Variants in RPH3AL observed in about 807,000 individuals in gnomAD.
RPH3AL encodes the protein rabphilin 3A like (without C2 domains).
A neutral mutation model predicts 43.1 loss-of-function variants in RPH3AL; 38 were observed. The ratio of observed to expected loss-of-function variants is 0.88; its 90% CI spans 0.68 to 1.15. The LOEUF is 1.15. Ranked by LOEUF, RPH3AL falls within the 50% of genes most tolerant of loss-of-function variation. RPH3AL has a pLI of 0.00. For synonymous variants in RPH3AL, 189 were observed against 176.3 expected (o/e 1.07, Z -0.57); for missense variants, 462 against 423.2 (o/e 1.09, Z -0.81).
At chr17:269,848 G>C (rs2042420418) in intron 6 of RPH3AL, among the ~76,000 whole-genome samples, 1 of 152,216 alleles carries the variant, frequency 6.6e-6, no homozygotes, top group Non-Finnish European at 1.5e-5. Context: ...AACTTCTCCA[G>C]TGCACAGACG....
intron 1 of RPH3AL, among the ~76,000 whole-genome samples, chr17:334,952 C>G (rs528265216): frequency 6.6e-6 from 1 of 152,370 alleles, no homozygotes; most frequent in South Asian, 2.1e-4. Flanking sequence ...TCGCTCCCCA[C>G]CTTACACCCT....
chr17:263,589 T>C (rs897223174), intron 6 of RPH3AL, among the ~76,000 whole-genome samples: 1 of 152,240 alleles, frequency 6.6e-6, no homozygotes, highest in African/African-American at 2.4e-5. Context: ...AACAGATTGG[T>C]AATTGGATGC....
chr17:247,147 C>A lies in RPH3AL; in HGVS notation c.577G>T (p.Glu193Ter), dbSNP rs147456712. 6.2e-7 allele frequency: 1 copy of A among 1,614,104 alleles called. No homozygotes were observed. ...EPAEREPRSS[E>*]TSRIYTWARG... ...GCCCACGTGTAGATGCGGCTGGTCT[C>A]AGAGCTTCTGGGCTCTCGCTCTGCC... Residue 193 changes from glutamate (E) to a stop codon, truncating the protein, a stop_gained, in exon 7 of 10, where the codon GAG becomes TAG. Coordinates refer to ENST00000331302, the MANE Select transcript of RPH3AL (RefSeq NM_006987.4). LOFTEE classifies it high-confidence loss of function.
intron 4 of RPH3AL, among the ~76,000 whole-genome samples, 195 bp downstream of exon 4, chr17:321,077 G>A (rs983809446): frequency 6.6e-6 from 1 of 152,204 alleles, no homozygotes; most frequent in Non-Finnish European, 1.5e-5. Flanking sequence ...GTGTCCTGAG[G>A]CCTCAGCGGG....
At chr17:231,404 C>A (rs1228719528) in intron 7 of RPH3AL, among the ~76,000 whole-genome samples, 1 of 152,196 alleles carries the variant, frequency 6.6e-6, no homozygotes, top group Non-Finnish European at 1.5e-5. Flanking sequence ...AGGCCAGGGC[C>A]CTGCTGCCCA....
chr17:257,134 G>A (rs1340185761), intron 6 of RPH3AL, among the ~76,000 whole-genome samples: 2 of 77,512 alleles, frequency 2.6e-5, no homozygotes, highest in African/African-American at 8.5e-5. Context: ...GCCGCACGGC[G>A]TCTGTCCTTT....
chr17:277,559 C>T (rs769350195), intron 6 of RPH3AL, among the ~76,000 whole-genome samples: 3 of 152,132 alleles, frequency 2.0e-5, no homozygotes. Flanking sequence ...ACAGTTTATC[C>T]TCAGCACAGC....
intron 6 of RPH3AL, among the ~76,000 whole-genome samples, chr17:258,169 C>T (rs1164940777): frequency 1.3e-5 from 2 of 152,174 alleles, no homozygotes; most frequent in Non-Finnish European, 2.9e-5. Context: ...GGGTGCTTCC[C>T]CCTTTTCGCT....
At chr17:327,642 G>C in intron 2 of RPH3AL, 63 bp from the exon 3 acceptor site, 1 of 1,034,162 alleles carries the variant, frequency 9.7e-7, no homozygotes. Flanking sequence ...ATGGCAGACA[G>C]GTTCTCTGTG....
At chr17:248,448 C>A (rs569444084) in intron 6 of RPH3AL, among the ~76,000 whole-genome samples, 10 of 152,284 alleles carry the variant, frequency 6.6e-5, no homozygotes, top group African/African-American at 2.4e-4. Context: ...TCAGAGGGGG[C>A]CTGCCAGGGC....
chr17:261,129 T>A (rs1305872355), intron 6 of RPH3AL, among the ~76,000 whole-genome samples: 2 of 152,048 alleles, frequency 1.3e-5, no homozygotes, highest in Non-Finnish European at 2.9e-5. Context: ...TGAACACCCA[T>A]CCAAATTGCA....
rs1481842137 is a variant in RPH3AL, at chr17:247,130, G to A, written c.594C>T (p.Tyr198=). 2 of 1,614,064 alleles carry A rather than the reference G, an allele frequency of 1.2e-6. No individual in the cohort carries two copies. The highest frequency in any genetic ancestry group is 1.3e-5 in the African/African-American group (1 of 74,928). Residue 198 remains tyrosine, a synonymous_variant, in exon 7 of 10, where the codon TAC becomes TAT. Coordinates refer to ENST00000331302, the MANE Select transcript of RPH3AL (RefSeq NM_006987.4). The part of the protein sequence containing the change: ...EPRSSETSRI[Y]TWARGRVVSS... ...ACTTACCTCTTCCTCGGGCCCACGT[G>A]TAGATGCGGCTGGTCTCAGAGCTTC...
chr17:337,826 C>T lies in RPH3AL; in HGVS notation c.-212-3892G>A, dbSNP rs191866978. On this transcript the variant is annotated intron_variant, in intron 1 of 9. Coordinates refer to ENST00000331302, the MANE Select transcript of RPH3AL (RefSeq NM_006987.4). The stretch of plus-strand genomic sequence containing the variant: ...CTCATGGGGCACACGTAGGAGGTTT[C>T]ACTTAATCCTGTGGGTCTTTTTTAA... Among the ~76,000 whole-genome samples, 586 of 152,328 alleles carry T rather than the reference C, an allele frequency of 3.8e-3. 1 individual carries two copies. The highest frequency in any genetic ancestry group is 0.013 in the African/African-American group (536 of 41,576).
intron 5 of RPH3AL, among the ~76,000 whole-genome samples, chr17:312,484 G>T (rs2043669636): frequency 6.6e-6 from 1 of 152,148 alleles, no homozygotes; most frequent in Admixed American, 6.6e-5. Flanking sequence ...ACGGCTGAAG[G>T]TGCCCAGTCT....
chr17:229,878 G>A (rs2041190265), intron 7 of RPH3AL, among the ~76,000 whole-genome samples: 1 of 152,196 alleles, frequency 6.6e-6, no homozygotes, highest in South Asian at 2.1e-4. Flanking sequence ...CGCTTAGGGA[G>A]GGGTCCACTG....
intron 6 of RPH3AL, among the ~76,000 whole-genome samples, chr17:266,527 A>G (rs1377129104): frequency 6.6e-6 from 1 of 152,194 alleles, no homozygotes; most frequent in Non-Finnish European, 1.5e-5. Context: ...GGAAAGATAG[A>G]GCACCTGCCC....
chr17:301,040 G>A (rs1194832391), intron 5 of RPH3AL, among the ~76,000 whole-genome samples: 1 of 152,286 alleles, frequency 6.6e-6, no homozygotes, highest in South Asian at 2.1e-4. Flanking sequence ...CCAATGCAAA[G>A]GTGGGACAGA....
intron 1 of RPH3AL, chr17:338,759 C>T (rs965209844): frequency 6.6e-6 from 1 of 152,226 alleles, no homozygotes; most frequent in Non-Finnish European, 1.5e-5. Flanking sequence ...GCAGAGGAAA[C>T]CTGATTTCGG....
intron 6 of RPH3AL, among the ~76,000 whole-genome samples, chr17:260,209 C>A (rs191398876): frequency 6.6e-6 from 1 of 152,320 alleles, no homozygotes; most frequent in Admixed American, 6.5e-5. Context: ...TCATCAGCAT[C>A]TCTAACAGGC....
Sources: allele counts gnomAD v4.1 joint callset (sites outside exome capture counted in the v4.1 genomes callset), GRCh38; gene constraint gnomAD v4.1.1; transcripts MANE v1.5; gene names NCBI Gene and HGNC (gene_info 2026-07-23, HGNC 2026-07-21).